CADM2: variants seen among roughly 807,000 people sequenced by gnomAD.
CADM2 encodes the protein immunoglobulin superfamily member 4D.
In CADM2, 12 loss-of-function variants were observed where a neutral mutation model predicts 49.8. The observed-to-expected ratio is 0.24, with a 90% CI of 0.15 to 0.39. The LOEUF (loss-of-function observed/expected upper bound fraction) is 0.39, where lower values mean the gene tolerates loss of function less well. CADM2 is among the 10% of genes least tolerant of loss of function. The pLI, the probability that CADM2 is intolerant of heterozygous loss-of-function variation, is 1.00. For synonymous variants in CADM2, 214 were observed against 175.4 expected (o/e 1.22, Z -1.74); for missense variants, 378 against 492.3 (o/e 0.77, Z 2.20).
intron 1 of CADM2, among the ~76,000 whole-genome samples, chr3:85,245,564 T>C (rs986297120): frequency 6.6e-6 from 1 of 151,764 alleles, no homozygotes; most frequent in African/African-American, 2.4e-5. Context: ...GAATTTCACC[T>C]GAGGTTTTCC....
At chr3:85,333,039 G>T (rs2044977614) in intron 1 of CADM2, among the ~76,000 whole-genome samples, 1 of 151,472 alleles carries the variant, frequency 6.6e-6, no homozygotes, top group Non-Finnish European at 1.5e-5. Flanking sequence ...TGTTATTTTG[G>T]CTTTTAGCAC....
rs370636255 is a variant in CADM2, at chr3:85,064,574, A to AT, written c.61+104913dup. 1.3e-3 allele frequency among the ~76,000 whole-genome samples: 202 copies of AT among 152,088 alleles called. 1 individual carries two copies. The highest frequency in any genetic ancestry group is 4.6e-3 in the African/African-American group (189 of 41,512). ...TCATGGGTTTGTGATCATAGTCACT[A>AT]TTTTTTTGAAATCTTGCCTCCTTTG... is the stretch of plus-strand genomic sequence containing the variant. On this transcript the variant is annotated intron_variant, in intron 1 of 9. Transcript: ENST00000383699.
At chr3:84,978,204 C>T (rs921265169) in intron 1 of CADM2, among the ~76,000 whole-genome samples, 3 of 152,076 alleles carry the variant, frequency 2.0e-5, no homozygotes, top group African/African-American at 7.2e-5. Context: ...TTCTTGTTAA[C>T]GTGTATGTTT....
At chr3:85,060,280 C>G (rs2036255632) in intron 1 of CADM2, among the ~76,000 whole-genome samples, 3 of 152,176 alleles carry the variant, frequency 2.0e-5, no homozygotes, top group Non-Finnish European at 2.9e-5. Flanking sequence ...GCGCCCACCA[C>G]CACGCCTGGC....
At chr3:85,371,994 C>T (rs1030179849) in intron 1 of CADM2, among the ~76,000 whole-genome samples, 16 of 151,488 alleles carry the variant, frequency 1.1e-4, no homozygotes, top group Non-Finnish European at 2.4e-4. Flanking sequence ...TCTCTGTCTC[C>T]TCTAATCTGT....
chr3:85,772,500 A>T (rs1302620554), intron 2 of CADM2, among the ~76,000 whole-genome samples: 1 of 152,102 alleles, frequency 6.6e-6, no homozygotes, highest in Non-Finnish European at 1.5e-5. Flanking sequence ...TCTCAGAAAC[A>T]AACAAAAATG....
chr3:85,969,280 C>T (rs1048452419), intron 8 of CADM2, among the ~76,000 whole-genome samples: 7 of 151,490 alleles, frequency 4.6e-5, no homozygotes, highest in Admixed American at 2.0e-4. Context: ...CTGCCTACAT[C>T]GGTGGCATCT....
intron 1 of CADM2, among the ~76,000 whole-genome samples, chr3:85,270,029 A>G (rs2043204461): frequency 6.6e-6 from 1 of 151,188 alleles, no homozygotes. Flanking sequence ...TTCATCTATA[A>G]ATAGGTGTTT....
intron 1 of CADM2, among the ~76,000 whole-genome samples, chr3:85,295,625 T>TA (rs1178748869): frequency 1.3e-5 from 2 of 151,990 alleles, no homozygotes; most frequent in Admixed American, 1.3e-4. Flanking sequence ...AAATGATGAG[T>TA]TCATGTCCTT....
chr3:85,426,581 G>T (rs2036417133), intron 1 of CADM2, among the ~76,000 whole-genome samples: 1 of 151,964 alleles, frequency 6.6e-6, no homozygotes, highest in Non-Finnish European at 1.5e-5. Flanking sequence ...TCACATAATG[G>T]AGAATAGGGT....
chr3:85,033,734 T>G (rs2035087652), intron 1 of CADM2, among the ~76,000 whole-genome samples: 1 of 152,314 alleles, frequency 6.6e-6, no homozygotes, highest in Middle Eastern at 3.4e-3. Context: ...TAAAAGTTTC[T>G]GAATATGTGT....
chr3:85,092,080 G>A lies in CADM2; in HGVS notation c.61+132412G>A, dbSNP rs147985896. 3.5e-3 allele frequency among the ~76,000 whole-genome samples: 525 copies of A among 151,920 alleles called. 3 individuals carry two copies. The highest frequency in any genetic ancestry group is 0.012 in the African/African-American group (497 of 41,450). ...ATACTTATTAGATGTAAGAACTTTC[G>A]CTCTTTTGTTGGTAGCTTTATAAAG... On this transcript the variant is annotated intron_variant, in intron 1 of 9. Coordinates refer to ENST00000383699, the MANE Select transcript of CADM2 (RefSeq NM_001167675.2).
intron 8 of CADM2, among the ~76,000 whole-genome samples, chr3:86,038,002 A>G (rs186520367): frequency 8.0e-4 from 121 of 152,076 alleles, no homozygotes; most frequent in Admixed American, 2.9e-3. Flanking sequence ...CAACCCCCTG[A>G]CAAGCTGTGG....
chr3:85,906,272 C>T (rs1340647227), intron 5 of CADM2, among the ~76,000 whole-genome samples: 1 of 152,044 alleles, frequency 6.6e-6, no homozygotes, highest in African/African-American at 2.4e-5. Flanking sequence ...ATATATGTAC[C>T]TGGTTCTTGT....
chr3:85,010,712 G>A (rs1378681654), intron 1 of CADM2, among the ~76,000 whole-genome samples: 2 of 150,992 alleles, frequency 1.3e-5, no homozygotes, highest in Admixed American at 6.6e-5. Context: ...TGTCATATGC[G>A]CCTTAGGTGA....
At chr3:85,181,513 T>C (rs1230459785) in intron 1 of CADM2, among the ~76,000 whole-genome samples, 1 of 152,182 alleles carries the variant, frequency 6.6e-6, no homozygotes, top group East Asian at 1.9e-4. Flanking sequence ...GAAGAGTAAA[T>C]GAAGCTCTTT....
At chr3:85,823,887 T>C (rs2073752388) in intron 3 of CADM2, among the ~76,000 whole-genome samples, 1 of 151,978 alleles carries the variant, frequency 6.6e-6, no homozygotes, top group African/African-American at 2.4e-5. Flanking sequence ...AACTAACAAA[T>C]TGTTAAAGAG....
intron 1 of CADM2, among the ~76,000 whole-genome samples, chr3:85,473,916 A>G (rs1000752942): frequency 5.3e-5 from 8 of 151,984 alleles, no homozygotes; most frequent in African/African-American, 1.9e-4. Context: ...GTGAATGCAG[A>G]TATTTTATTT....
intron 1 of CADM2, among the ~76,000 whole-genome samples, chr3:85,638,733 G>A (rs1216545797): frequency 6.6e-6 from 1 of 151,610 alleles, no homozygotes; most frequent in Non-Finnish European, 1.5e-5. Flanking sequence ...CTCCCTGAAG[G>A]TTTCTTTCTT....
Sources: gnomAD v4.1 joint callset for allele counts (sites outside exome capture counted in the v4.1 genomes callset) on GRCh38, gnomAD v4.1.1 for gene constraint, MANE v1.5 for transcripts, NCBI Gene and HGNC (gene_info 2026-07-23, HGNC 2026-07-21) for gene names.